The following ADAMTS16 variants were observed in gnomAD, a reference collection of about 807,000 sequenced individuals.
The protein encoded by ADAMTS16 is ADAM metallopeptidase with thrombospondin type 1 motif 16, also known as A disintegrin and metalloproteinase with thrombospondin motifs 16.
A neutral mutation model predicts 145.8 loss-of-function variants in ADAMTS16; 94 were observed. That is an observed-to-expected ratio of 0.64 (90% CI 0.55 to 0.77). The LOEUF is 0.77. ADAMTS16 is among the 30% of genes least tolerant of loss of function. The pLI is 0.00. For missense variants in ADAMTS16, 1,585 were observed against 1,591.5 expected (o/e 1.00, Z 0.07); for synonymous variants, 659 against 604.3 (o/e 1.09, Z -1.33).
intron 9 of ADAMTS16, among the ~76,000 whole-genome samples, chr5:5,201,789 T>C (rs1218180197): frequency 1.3e-5 from 2 of 152,190 alleles, no homozygotes; most frequent in Non-Finnish European, 2.9e-5. Flanking sequence ...AACTAGGAAC[T>C]AGTTATTCCA....
chr5:5,239,109 CCTTT>C (rs1291143969), intron 14 of ADAMTS16, 38 bp from the exon 15 acceptor site: 10 of 1,453,362 alleles, frequency 6.9e-6, no homozygotes, highest in Non-Finnish European at 9.1e-6. Flanking sequence ...GCTGTGTTGT[CCTTT>C]CTTTCATGAA....
At chr5:5,162,764 G>A (rs76088411) in intron 3 of ADAMTS16, among the ~76,000 whole-genome samples, 4 of 33,186 alleles carry the variant, frequency 1.2e-4, no homozygotes, top group African/African-American at 2.6e-4. Context: ...AGAGAAGAGA[G>A]GAGAGGAGAG....
intron 3 of ADAMTS16, among the ~76,000 whole-genome samples, chr5:5,171,769 G>A (rs948517622): frequency 2.0e-5 from 3 of 152,060 alleles, no homozygotes; most frequent in African/African-American, 7.2e-5. Flanking sequence ...TTGATATCAG[G>A]ATAATACTGA....
intron 17 of ADAMTS16, among the ~76,000 whole-genome samples, chr5:5,243,621 T>A (rs1331237483): frequency 6.6e-6 from 1 of 152,226 alleles, no homozygotes; most frequent in Non-Finnish European, 1.5e-5. Flanking sequence ...AATAATAGAA[T>A]CAGAAAACTT....
At chr5:5,212,118 G>C (rs1394395056) in intron 10 of ADAMTS16, among the ~76,000 whole-genome samples, 1 of 151,738 alleles carries the variant, frequency 6.6e-6, no homozygotes, top group African/African-American at 2.4e-5. Context: ...GTTTTACAAA[G>C]ATGAGTGTTA....
At chr5:5,225,034 C>A (rs77406676) in intron 11 of ADAMTS16, among the ~76,000 whole-genome samples, 28,819 of 150,928 alleles carry the variant, frequency 0.19, 3,136 homozygotes, top group East Asian at 0.5. Context: ...CAAAAAAAAA[C>A]AAAAAGGCTA....
intron 3 of ADAMTS16, among the ~76,000 whole-genome samples, chr5:5,180,395 C>A (rs1735309027): frequency 6.6e-6 from 1 of 152,144 alleles, no homozygotes; most frequent in South Asian, 2.1e-4. Flanking sequence ...TTTTAAAATT[C>A]ATCTGTAATC....
intron 21 of ADAMTS16, among the ~76,000 whole-genome samples, chr5:5,316,953 A>G (rs1173012790): frequency 6.6e-6 from 1 of 152,184 alleles, no homozygotes; most frequent in African/African-American, 2.4e-5. Flanking sequence ...CACACTCAAA[A>G]ATACTCTAGA....
At chr5:5,194,160 G>A (rs796385309) in intron 8 of ADAMTS16, among the ~76,000 whole-genome samples, 5 of 152,132 alleles carry the variant, frequency 3.3e-5, no homozygotes, top group African/African-American at 1.2e-4. Context: ...TGCTAATATA[G>A]GATTAACTGC....
chr5:5,149,771 C>T (rs1221915978), intron 3 of ADAMTS16, among the ~76,000 whole-genome samples: 1 of 152,188 alleles, frequency 6.6e-6, no homozygotes, highest in Admixed American at 6.5e-5. Context: ...TTTGCCTAAT[C>T]TGGCCATTGA....
Position 5,319,238 on chromosome 5 carries a change from C to A in ADAMTS16, c.*100C>A. The A allele has an allele frequency of 2.2e-6, 2 of 893,298 alleles. No homozygotes were observed. The highest frequency in any genetic ancestry group is 3.5e-6 in the Non-Finnish European group (2 of 566,086). 55.3% of individuals were successfully genotyped at this position (893,298 alleles called of 1,614,324 possible). On this transcript the variant is annotated 3_prime_UTR_variant, in exon 23 of 23. Transcript: ENST00000274181. ...ACGTCGGAATACATCCAAGGAAGAG[C>A]AAAGCCAAAAGAAGAAAACCGTGTT...
In ADAMTS16 at chr5:5,242,064, G is replaced by T; in HGVS notation, c.2535G>T (p.Gln845His). The T allele has an allele frequency of 6.2e-7, 1 of 1,614,040 alleles. No individual in the cohort carries two copies. Among genetic ancestry groups the T allele is most frequent in the East Asian group, 2.2e-5 (1 of 44,866 alleles). ...TTCTTATTTTGTAGCTGCTGTTTCA[G>T]GGAAGGAACCCGGGTGTTGCCTGGG... is the stretch of plus-strand genomic sequence containing the variant. ...NETLIVELLFQGRNPGVAWEY... is the reference protein window; with the variant it reads ...NETLIVELLFHGRNPGVAWEY... Residue 845 changes from glutamine (Q) to histidine (H), a missense_variant, in exon 17 of 23, where the codon CAG (glutamine) becomes CAT (histidine). By Grantham distance (24) the Gln-to-His change is conservative. Coordinates refer to ENST00000274181, the MANE Select transcript of ADAMTS16 (RefSeq NM_139056.4).
chr5:5,198,742 T>C (rs1174631626), intron 8 of ADAMTS16, among the ~76,000 whole-genome samples: 1 of 152,228 alleles, frequency 6.6e-6, no homozygotes. Flanking sequence ...AGCAGTTAAA[T>C]AGACAAATGT....
At chr5:5,149,433 A>G (rs1018453713) in intron 3 of ADAMTS16, among the ~76,000 whole-genome samples, 3 of 152,184 alleles carry the variant, frequency 2.0e-5, no homozygotes, top group African/African-American at 4.8e-5. Flanking sequence ...AGCACAAAGA[A>G]CAATAATGAC....
intron 16 of ADAMTS16, among the ~76,000 whole-genome samples, chr5:5,241,129 G>A (rs549032309): frequency 1.4e-4 from 21 of 150,422 alleles, no homozygotes; most frequent in Admixed American, 1.1e-3. Flanking sequence ...GCAGAGGGTG[G>A]AGCATGGGGC....
chr5:5,195,177 A>C (rs894247981), intron 8 of ADAMTS16, among the ~76,000 whole-genome samples: 8 of 147,158 alleles, frequency 5.4e-5, no homozygotes, highest in African/African-American at 1.5e-4. Flanking sequence ...CAGAACTGAG[A>C]TATGTGTTCT....
chr5:5,144,233 A>G (rs1032890567), intron 2 of ADAMTS16, among the ~76,000 whole-genome samples: 1 of 152,100 alleles, frequency 6.6e-6, no homozygotes, highest in Non-Finnish European at 1.5e-5. Flanking sequence ...TGCCTTTACT[A>G]TTTGCCTTCT....
intron 18 of ADAMTS16, among the ~76,000 whole-genome samples, chr5:5,274,782 G>T (rs1738625708): frequency 6.6e-6 from 1 of 151,396 alleles, no homozygotes; most frequent in South Asian, 2.1e-4. Flanking sequence ...TATAAGAAAG[G>T]GCAGAAAGAT....
chr5:5,283,192 C>T (rs1477685841), intron 18 of ADAMTS16, among the ~76,000 whole-genome samples: 2 of 152,006 alleles, frequency 1.3e-5, no homozygotes, highest in Non-Finnish European at 2.9e-5. Context: ...TTTTCCTGTC[C>T]CTGATCTCAG....
Sources: gnomAD v4.1 joint callset for allele counts (sites outside exome capture counted in the v4.1 genomes callset) on GRCh38, gnomAD v4.1.1 for gene constraint, MANE v1.5 for transcripts, NCBI Gene and HGNC (gene_info 2026-07-23, HGNC 2026-07-21) for gene names.